PDE4B: variants seen among roughly 807,000 people sequenced by gnomAD.
The protein encoded by PDE4B is phosphodiesterase 4B.
PDE4B carries 20 observed loss-of-function variants against 82.2 expected under a neutral mutation model. The ratio of observed to expected loss-of-function variants is 0.24; its 90% confidence interval spans 0.17 to 0.35. The LOEUF is 0.35. PDE4B is among the 10% of genes least tolerant of loss of function. PDE4B has a pLI of 1.00. For missense variants in PDE4B, 655 were observed against 907.2 expected (o/e 0.72, Z 3.57); for synonymous variants, 320 against 318.9 (o/e 1.00, Z -0.04).
chr1:65,910,194 G>A (rs1008898206), intron 1 of PDE4B, among the ~76,000 whole-genome samples: 2 of 152,136 alleles, frequency 1.3e-5, no homozygotes, highest in African/African-American at 2.4e-5. Context: ...ATGGCTGAAG[G>A]TAAATCCTCC....
At chr1:66,323,864 T>C (rs1184847294) in intron 7 of PDE4B, among the ~76,000 whole-genome samples, 1 of 152,172 alleles carries the variant, frequency 6.6e-6, no homozygotes, top group Non-Finnish European at 1.5e-5. Flanking sequence ...TTCATAAATA[T>C]TTTGTCAATA....
intron 1 of PDE4B, among the ~76,000 whole-genome samples, chr1:65,811,800 CAT>C (rs1645824735): frequency 6.6e-6 from 1 of 151,968 alleles, no homozygotes; most frequent in East Asian, 1.9e-4. Context: ...TATATTATGA[CAT>C]AATTTACATA....
chr1:66,242,812 C>A lies in PDE4B; in HGVS notation c.282-4648C>A, dbSNP rs11587649. Among the ~76,000 whole-genome samples the A allele has an allele frequency of 1.0e-2, 1,518 of 152,320 alleles. 14 individuals carry two copies. The highest frequency in any genetic ancestry group is 0.033 in the Admixed American group (506 of 15,292). ...CCCTCCAAAATTGCCAGCAGCCCCACCTGCTGGGCTTGGAGGCTGGGGCCT... is the reference window on the plus strand; with the variant it reads ...CCCTCCAAAATTGCCAGCAGCCCCAACTGCTGGGCTTGGAGGCTGGGGCCT... On this transcript the variant is annotated intron_variant, in intron 3 of 16. Coordinates refer to ENST00000341517, the MANE Select transcript of PDE4B (RefSeq NM_002600.4).
At chr1:66,269,344 G>A (rs1655292250) in intron 7 of PDE4B, among the ~76,000 whole-genome samples, 1 of 152,184 alleles carries the variant, frequency 6.6e-6, no homozygotes, top group African/African-American at 2.4e-5. Flanking sequence ...CAACGAGGAA[G>A]CCATATGCTC....
intron 3 of PDE4B, among the ~76,000 whole-genome samples, chr1:66,128,090 A>G (rs1040730371): frequency 6.6e-6 from 1 of 152,180 alleles, no homozygotes; most frequent in African/African-American, 2.4e-5. Context: ...ATGTGTTTGA[A>G]AATCCCACTA....
chr1:66,151,839 A>G (rs1285722957), intron 3 of PDE4B, among the ~76,000 whole-genome samples: 2 of 152,210 alleles, frequency 1.3e-5, no homozygotes, highest in Non-Finnish European at 2.9e-5. Context: ...TGTTGAGCTA[A>G]TGAATAAACC....
intron 3 of PDE4B, among the ~76,000 whole-genome samples, chr1:66,238,224 A>G (rs1652616117): frequency 6.6e-6 from 1 of 152,212 alleles, no homozygotes; most frequent in South Asian, 2.1e-4. Context: ...TATACCAGGA[A>G]GGAAAACACA....
chr1:66,264,666 C>T (rs1484363935), intron 6 of PDE4B, among the ~76,000 whole-genome samples: 2 of 152,116 alleles, frequency 1.3e-5, no homozygotes, highest in African/African-American at 4.8e-5. Flanking sequence ...CTATAGACTA[C>T]GGCTACTAGG....
intron 16 of PDE4B, among the ~76,000 whole-genome samples, chr1:66,371,415 T>C (rs911274646): frequency 6.6e-6 from 1 of 152,016 alleles, no homozygotes; most frequent in African/African-American, 2.4e-5. Flanking sequence ...CCCCCAGTGT[T>C]TCCTGTTTGT....
intron 1 of PDE4B, among the ~76,000 whole-genome samples, chr1:65,842,927 C>G (rs1646225007): frequency 6.6e-6 from 1 of 152,042 alleles, no homozygotes; most frequent in South Asian, 2.1e-4. Flanking sequence ...GAGCTCATGC[C>G]AGGAAGATAG....
chr1:66,303,314 GGT>G (rs1658031003), intron 7 of PDE4B, among the ~76,000 whole-genome samples: 1 of 149,112 alleles, frequency 6.7e-6, no homozygotes, highest in Admixed American at 6.7e-5. Flanking sequence ...ATATATTTAT[GGT>G]GTATAGCATG....
intron 2 of PDE4B, among the ~76,000 whole-genome samples, chr1:65,917,013 G>A (rs940440518): frequency 1.3e-5 from 2 of 152,102 alleles, no homozygotes; most frequent in Admixed American, 6.5e-5. Context: ...GGAGGGTGGG[G>A]CTCCTGAAAA....
At chr1:66,299,952 G>A (rs1194256996) in intron 7 of PDE4B, among the ~76,000 whole-genome samples, 4 of 151,836 alleles carry the variant, frequency 2.6e-5, no homozygotes, top group East Asian at 1.9e-4. Context: ...AATATTATAA[G>A]GAAAAAATAT....
chr1:66,289,260 C>A (rs768657933), intron 7 of PDE4B, among the ~76,000 whole-genome samples: 2 of 152,042 alleles, frequency 1.3e-5, no homozygotes, highest in Non-Finnish European at 2.9e-5. Flanking sequence ...AGAGCAAGAC[C>A]TGTCTCAAGA....
intron 4 of PDE4B, among the ~76,000 whole-genome samples, chr1:66,249,106 G>A (rs1428085443): frequency 1.3e-5 from 2 of 152,216 alleles, no homozygotes; most frequent in African/African-American, 4.8e-5. Flanking sequence ...GCAGAGTAGA[G>A]GTGTCCAAGG....
At chr1:65,823,767 C>T (rs1645983245) in intron 1 of PDE4B, among the ~76,000 whole-genome samples, 1 of 152,096 alleles carries the variant, frequency 6.6e-6, no homozygotes, top group Admixed American at 6.6e-5. Flanking sequence ...ATGTTGCTTC[C>T]CTCTAGTTTC....
Position 66,020,846 on chromosome 1 carries a change from G to A in PDE4B, c.281+102011G>A, listed in dbSNP as rs2100766455. The stretch of plus-strand genomic sequence containing the variant: ...GTATATGCCCAGTAACGGGATGGCT[G>A]GGTCAAATGGTATTTCTAGTTCTAG... On this transcript the variant is annotated intron_variant, in intron 3 of 16. Transcript: ENST00000341517. Among the ~76,000 whole-genome samples the A allele has an allele frequency of 2.0e-5, 3 of 152,304 alleles. No individual in the cohort carries two copies. In the South Asian group the frequency reaches 6.2e-4, roughly 32 times the overall value.
chr1:66,350,662 C>T (rs1570750253), intron 8 of PDE4B, among the ~76,000 whole-genome samples: 1 of 152,080 alleles, frequency 6.6e-6, no homozygotes, highest in Admixed American at 6.5e-5. Flanking sequence ...GAAGAGCCTG[C>T]GATCATTCCA....
chr1:66,117,993 G>A (rs1645631672), intron 3 of PDE4B, among the ~76,000 whole-genome samples: 1 of 152,072 alleles, frequency 6.6e-6, no homozygotes, highest in African/African-American at 2.4e-5. Flanking sequence ...ACTTTTTAAT[G>A]ATCACCATTC....
Sources: gnomAD v4.1 joint callset for allele counts (sites outside exome capture counted in the v4.1 genomes callset) on GRCh38, gnomAD v4.1.1 for gene constraint, MANE v1.5 for transcripts, NCBI Gene and HGNC (gene_info 2026-07-23, HGNC 2026-07-21) for gene names.